Variants in GARNL3 observed in about 807,000 individuals in gnomAD.
GARNL3 encodes the protein GTPase activating Rap/RanGAP domain like 3, also known as GTPase-activating Rap/Ran-GAP domain-like protein 3.
GARNL3 carries 63 observed loss-of-function variants against 125.0 expected under a neutral mutation model. That is an observed-to-expected ratio of 0.50 (90% CI 0.41 to 0.62). The LOEUF is 0.62. GARNL3 is among the 20% of genes least tolerant of loss of function. The pLI, the probability that GARNL3 is intolerant of heterozygous loss-of-function variation, is 0.00. For missense variants in GARNL3, 994 were observed against 1,244.0 expected, an observed-to-expected ratio of 0.80 and a Z score of 3.02; for synonymous variants, 439 against 457.5, an observed-to-expected ratio of 0.96 and a Z score of 0.52.
chr9:127,377,566 C>T (rs1831988394), intron 22 of GARNL3, among the ~76,000 whole-genome samples: 1 of 152,004 alleles, frequency 6.6e-6, no homozygotes, highest in Admixed American at 6.6e-5. Flanking sequence ...GCGGGCAGAT[C>T]ACTTGAGGTC....
At chr9:127,298,154 G>A (rs1023532922) in intron 2 of GARNL3, among the ~76,000 whole-genome samples, 8 of 152,268 alleles carry the variant, frequency 5.3e-5, no homozygotes, top group East Asian at 1.9e-4. Flanking sequence ...ATCACCAAAC[G>A]TGTTTCCAAG....
At chr9:127,331,353 C>T (rs1227042501) in intron 7 of GARNL3, among the ~76,000 whole-genome samples, 1 of 151,968 alleles carries the variant, frequency 6.6e-6, no homozygotes, top group Admixed American at 6.6e-5. Flanking sequence ...ATTAGCCAGG[C>T]ATGGTGGCAT....
At chr9:127,241,699 G>A (rs549295154) in intron 1 of GARNL3, among the ~76,000 whole-genome samples, 1 of 152,228 alleles carries the variant, frequency 6.6e-6, no homozygotes, top group East Asian at 1.9e-4. Flanking sequence ...TGTGAGTCTT[G>A]AATCCTTCCT....
In GARNL3 at chr9:127,335,314, C is replaced by T; in HGVS notation, c.854C>T (p.Ser285Phe). Residue 285 changes from serine to phenylalanine, a missense_variant, in exon 10 of 28, where the codon TCC (serine) becomes TTC (phenylalanine). Physicochemically the swap from Ser to Phe is radical, Grantham distance 155. This residue lies in a region of GARNL3 where 19 missense variants were observed against 46.4 expected (regional missense o/e 0.41). Coordinates refer to ENST00000373387, the MANE Select transcript of GARNL3 (RefSeq NM_032293.5). The part of the protein sequence containing the change: ...MFHVSTMLPY[S>F]KENKQQVERK... ...CATGTTTCCACCATGTTGCCATATTCCAAAGAGAACAAACAGCAGGTACAT... is the reference window on the plus strand; with the variant it reads ...CATGTTTCCACCATGTTGCCATATTTCAAAGAGAACAAACAGCAGGTACAT... 6.2e-7 allele frequency: 1 copy of T among 1,612,672 alleles called. No individual in the cohort carries two copies. Among genetic ancestry groups the T allele is most frequent in the African/African-American group, 1.3e-5 (1 of 75,004 alleles).
chr9:127,326,156 C>T (rs1489938981), intron 7 of GARNL3, among the ~76,000 whole-genome samples: 1 of 152,194 alleles, frequency 6.6e-6, no homozygotes, highest in Non-Finnish European at 1.5e-5. Context: ...TCCCTGACCA[C>T]TCTGTCTAGA....
chr9:127,250,124 AAAG>A (rs1473413706), intron 2 of GARNL3, among the ~76,000 whole-genome samples: 1 of 152,242 alleles, frequency 6.6e-6, no homozygotes, highest in African/African-American at 2.4e-5. Context: ...TTGTGTAAAA[AAAG>A]GGGAAAGGGG....
intron 1 of GARNL3, among the ~76,000 whole-genome samples, chr9:127,281,142 G>C (rs916977509): frequency 1.3e-5 from 2 of 152,252 alleles, no homozygotes; most frequent in African/African-American, 4.8e-5. Context: ...ATTAACCACA[G>C]ATCCCCAGAT....
In GARNL3 at chr9:127,325,086, A is replaced by G; in HGVS notation, c.585A>G (p.Glu195=). ...PEIQKDLLVL[E]EQEGSVNFKF... ...TTTGACAGGACTTGCTGGTTCTTGA[A>G]GAACAAGAGGTGAGTAATTCTATGG... Residue 195 remains glutamate (E), a synonymous_variant, in exon 7 of 28, where the codon GAA becomes GAG. Coordinates refer to ENST00000373387, the MANE Select transcript of GARNL3 (RefSeq NM_032293.5). The G allele has an allele frequency of 6.2e-7, 1 of 1,613,532 alleles. No homozygotes were observed. The highest frequency in any genetic ancestry group is 8.5e-7 in the Non-Finnish European group (1 of 1,179,476).
chr9:127,297,699 T>G (rs1332698040), intron 2 of GARNL3, among the ~76,000 whole-genome samples: 1 of 152,262 alleles, frequency 6.6e-6, no homozygotes, highest in East Asian at 1.9e-4. Context: ...GGTAATTCTA[T>G]TTAGTAAAAT....
At chr9:127,390,936 G>T (rs1332164933) in intron 27 of GARNL3, among the ~76,000 whole-genome samples, 169 bp downstream of exon 27, 1 of 152,200 alleles carries the variant, frequency 6.6e-6, no homozygotes. Flanking sequence ...AGGCCTGCCA[G>T]GGAGGGATCT....
intron 7 of GARNL3, among the ~76,000 whole-genome samples, 180 bp from the exon 8 acceptor site, chr9:127,332,094 T>C (rs1247537442): frequency 1.3e-5 from 2 of 152,090 alleles, no homozygotes; most frequent in African/African-American, 4.8e-5. Flanking sequence ...TAAATACCTA[T>C]CAAAATGAAG....
At chr9:127,329,882 C>G (rs1462416922) in intron 7 of GARNL3, among the ~76,000 whole-genome samples, 1 of 152,094 alleles carries the variant, frequency 6.6e-6, no homozygotes, top group Non-Finnish European at 1.5e-5. Flanking sequence ...CTGGTTTTAG[C>G]AGGCTGTCAG....
chr9:127,361,391 G>A (rs1588933083), intron 21 of GARNL3, among the ~76,000 whole-genome samples: 1 of 152,178 alleles, frequency 6.6e-6, no homozygotes, highest in East Asian at 1.9e-4. Context: ...ACAGGCGTGA[G>A]CCACCATGCC....
At chr9:127,391,533 A>AAAAAAAAAAAAAAAAAAAAAATAT in intron 27 of GARNL3, among the ~76,000 whole-genome samples, 1 of 75,844 alleles carries the variant, frequency 1.3e-5, no homozygotes, top group Non-Finnish European at 3.2e-5. Context: ...ACAAAAAAAA[A>AAAAAAAAAAAAAAAAAAAAAATAT]ATATATATAT....
chr9:127,320,806 T>A, intron 6 of GARNL3, 28 bp downstream of exon 6: 2 of 1,417,964 alleles, frequency 1.4e-6, no homozygotes, highest in Non-Finnish European at 2.0e-6. Flanking sequence ...GCTTCATAAT[T>A]GTACAAAATT....
At chr9:127,330,010 C>G (rs542710763) in intron 7 of GARNL3, among the ~76,000 whole-genome samples, 1 of 152,284 alleles carries the variant, frequency 6.6e-6, no homozygotes, top group African/African-American at 2.4e-5. Context: ...TAGTGGTTCT[C>G]AAAGTGGGGG....
intron 1 of GARNL3, among the ~76,000 whole-genome samples, chr9:127,235,163 T>A (rs34002791): frequency 0.078 from 11,817 of 151,388 alleles, 635 homozygotes; most frequent in Middle Eastern, 0.12. Context: ...GTGGCCAAAT[T>A]ATTGAGAAAG....
intron 5 of GARNL3, among the ~76,000 whole-genome samples, chr9:127,319,473 CTG>C (rs1423834442): frequency 6.6e-6 from 1 of 151,588 alleles, no homozygotes; most frequent in African/African-American, 2.4e-5. Context: ...CAGAGTGAGA[CTG>C]TGTCTCAAAA....
intron 11 of GARNL3, among the ~76,000 whole-genome samples, 180 bp from the exon 12 acceptor site, chr9:127,337,936 A>G (rs923442167): frequency 8.5e-5 from 13 of 152,214 alleles, no homozygotes; most frequent in Admixed American, 7.2e-4. Flanking sequence ...GTGCCCTCAC[A>G]TAAGTCTCCC....
Sources: allele counts gnomAD v4.1 joint callset (sites outside exome capture counted in the v4.1 genomes callset), GRCh38; gene constraint gnomAD v4.1.1; regional missense constraint gnomAD v4.1.1; transcripts MANE v1.5; gene names NCBI Gene and HGNC (gene_info 2026-07-23, HGNC 2026-07-21).